The following ADCY2 variants were observed in gnomAD, a reference collection of about 807,000 sequenced individuals.
ADCY2 encodes adenylate cyclase type 2.
A neutral mutation model predicts 125.2 loss-of-function variants in ADCY2; 31 were observed. The observed-to-expected ratio is 0.25, with a 90% confidence interval of 0.19 to 0.33. The LOEUF is 0.33. Ranked by LOEUF, ADCY2 falls within the 10% of genes least tolerant of loss-of-function variation. The pLI, the probability that ADCY2 is intolerant of heterozygous loss-of-function variation, is 1.00. For missense variants in ADCY2, 904 were observed against 1,418.2 expected, an observed-to-expected ratio of 0.64 and a Z score of 5.82; for synonymous variants, 512 against 548.4, an observed-to-expected ratio of 0.93 and a Z score of 0.93.
intron 22 of ADCY2, among the ~76,000 whole-genome samples, chr5:7,814,031 A>T (rs1358314060): frequency 1.3e-5 from 2 of 152,122 alleles, no homozygotes; most frequent in Non-Finnish European, 2.9e-5. Context: ...ACAAAAAAAA[A>T]AAATACTAGT....
At position 7,827,762 on chromosome 5, in the gene ADCY2, T is replaced by G. The variant is rs777668327; in HGVS notation, c.*891T>G. The G allele has an allele frequency of 1.3e-5, 2 of 152,396 alleles. No homozygotes were observed. The highest frequency in any genetic ancestry group is 2.4e-5 in the African/African-American group (1 of 41,462). 9.4% of individuals were successfully genotyped at this position (152,396 alleles called of 1,614,324 possible). On this transcript the variant is annotated 3_prime_UTR_variant, in exon 25 of 25. Transcript: ENST00000338316. The stretch of plus-strand genomic sequence containing the variant: ...AGCATGTTGAATGTATCTAGTGGTC[T>G]GATTTTAATTTGGGCATCTCTAGAG...
At chr5:7,808,649 G>C (rs773363109) in intron 22 of ADCY2, among the ~76,000 whole-genome samples, 3 of 152,170 alleles carry the variant, frequency 2.0e-5, no homozygotes, top group Non-Finnish European at 2.9e-5. Flanking sequence ...TCTGTCCAGA[G>C]CTCCACATGG....
At chr5:7,581,502 A>G (rs1352484757) in intron 3 of ADCY2, among the ~76,000 whole-genome samples, 2 of 115,656 alleles carry the variant, frequency 1.7e-5, no homozygotes, top group Non-Finnish European at 3.9e-5. Flanking sequence ...GTTAAAAAGA[A>G]TAAGTTACAG....
At chr5:7,464,042 A>C (rs771494390) in intron 2 of ADCY2, among the ~76,000 whole-genome samples, 1 of 152,216 alleles carries the variant, frequency 6.6e-6, no homozygotes, top group Non-Finnish European at 1.5e-5. Context: ...GGCATAAATC[A>C]ATAGTTTTTT....
chr5:7,593,717 G>A (rs982007712), intron 3 of ADCY2, among the ~76,000 whole-genome samples: 1 of 152,076 alleles, frequency 6.6e-6, no homozygotes, highest in African/African-American at 2.4e-5. Flanking sequence ...TTTTCAAGAT[G>A]TTGGGGAAAG....
chr5:7,524,387 T>C (rs765017507), intron 3 of ADCY2, among the ~76,000 whole-genome samples: 4 of 152,180 alleles, frequency 2.6e-5, no homozygotes, highest in Non-Finnish European at 4.4e-5. Flanking sequence ...CTACATTAAC[T>C]ACAAGACACC....
intron 2 of ADCY2, among the ~76,000 whole-genome samples, chr5:7,456,689 T>G (rs1741680550): frequency 1.3e-5 from 2 of 152,216 alleles, no homozygotes; most frequent in Admixed American, 1.3e-4. Context: ...CATAAACTGT[T>G]GTATTGGGGG....
chr5:7,570,966 G>A (rs1272433993), intron 3 of ADCY2, among the ~76,000 whole-genome samples: 1 of 152,138 alleles, frequency 6.6e-6, no homozygotes, highest in Non-Finnish European at 1.5e-5. Context: ...TGCATTGATT[G>A]TTGATTCTAT....
Position 7,717,231 on chromosome 5 carries a change from C to A in ADCY2, c.1697C>A (p.Ala566Glu). 6.3e-7 allele frequency: 1 copy of A among 1,598,858 alleles called. No individual in the cohort carries two copies. The highest frequency in any genetic ancestry group is 8.6e-7 in the Non-Finnish European group (1 of 1,168,130). Residue 566 changes from alanine (A) to glutamate (E), a missense_variant, in exon 12 of 25, where the codon GCA becomes GAA. By Grantham distance (107) the Ala-to-Glu change is moderately radical. Transcript: ENST00000338316. ...RMIQAIDGIN[A>E]QKQWLKSEDI... ...ATTCAAGCAATTGATGGGATTAATGCACAGAAGTGAGTACTTCTTTCTCTT... is the reference window on the plus strand; with the variant it reads ...ATTCAAGCAATTGATGGGATTAATGAACAGAAGTGAGTACTTCTTTCTCTT...
chr5:7,661,449 TCC>T (rs1397959828), intron 4 of ADCY2, among the ~76,000 whole-genome samples: 4 of 152,130 alleles, frequency 2.6e-5, no homozygotes, highest in African/African-American at 7.2e-5. Context: ...AGGCAACCCC[TCC>T]CAATAAATAA....
rs553788198 is a variant in ADCY2 at position 7,586,367 on chromosome 5, G to A, written c.571-39800G>A. Among the ~76,000 whole-genome samples, 3 of 152,186 alleles carry A rather than the reference G, an allele frequency of 2.0e-5. No homozygotes were observed. In the South Asian group the frequency reaches 6.2e-4, roughly 32 times the overall value. On this transcript the variant is annotated intron_variant, in intron 3 of 24. Transcript: ENST00000338316. ...ATTTTTTAAAACAGCCACTTTCAAG[G>A]TCCCAACCACATTAACAGGCCTGTC...
At chr5:7,630,213 A>G (rs1310216300) in intron 4 of ADCY2, among the ~76,000 whole-genome samples, 1 of 152,144 alleles carries the variant, frequency 6.6e-6, no homozygotes, top group African/African-American at 2.4e-5. Flanking sequence ...TCCTCTCTGC[A>G]GAATTTAGTG....
chr5:7,701,865 T>C (rs1040538370), intron 7 of ADCY2, among the ~76,000 whole-genome samples: 1 of 152,230 alleles, frequency 6.6e-6, no homozygotes, highest in Non-Finnish European at 1.5e-5. Flanking sequence ...CGTAGGTATA[T>C]ACCACATTTT....
chr5:7,549,244 G>A (rs1302423525), intron 3 of ADCY2, among the ~76,000 whole-genome samples: 2 of 152,134 alleles, frequency 1.3e-5, no homozygotes, highest in Admixed American at 1.3e-4. Context: ...TTTCTGTTGT[G>A]GATAGTGGGC....
chr5:7,595,281 C>T (rs563241886), intron 3 of ADCY2, among the ~76,000 whole-genome samples: 263 of 152,184 alleles, frequency 1.7e-3, no homozygotes, highest in Non-Finnish European at 2.7e-3. Context: ...ATAGCACATT[C>T]CTTATTGGCC....
intron 21 of ADCY2, among the ~76,000 whole-genome samples, chr5:7,803,561 G>C (rs1744666900): frequency 6.6e-6 from 1 of 152,124 alleles, no homozygotes; most frequent in Admixed American, 6.5e-5. Flanking sequence ...GCAGATTAAG[G>C]AGGAGTCAAG....
At position 7,672,567 on chromosome 5, in the gene ADCY2, A is replaced by G. The variant is rs189926355; in HGVS notation, c.721-18124A>G. Among the ~76,000 whole-genome samples, 10 of 152,180 alleles carry G rather than the reference A, an allele frequency of 6.6e-5. 1 individual carries two copies. Among genetic ancestry groups the G allele is most frequent in the African/African-American group, 2.4e-5 (1 of 41,526 alleles). On this transcript the variant is annotated intron_variant, in intron 4 of 24. Coordinates refer to ENST00000338316, the MANE Select transcript of ADCY2 (RefSeq NM_020546.3). ...TAGGCTAGAGGGCAGTGGTGCCATC[A>G]TGGCTTACTACAGCCTCGACCTCCT... is the stretch of plus-strand genomic sequence containing the variant.
At chr5:7,416,163 G>A (rs986455716) in intron 2 of ADCY2, among the ~76,000 whole-genome samples, 2 of 152,170 alleles carry the variant, frequency 1.3e-5, no homozygotes, top group African/African-American at 4.8e-5. Context: ...CTGGCCAGTG[G>A]GTTCTGTTGG....
At chr5:7,748,561 CACAA>C (rs1277919634) in intron 15 of ADCY2, among the ~76,000 whole-genome samples, 8 of 149,264 alleles carry the variant, frequency 5.4e-5, no homozygotes, top group African/African-American at 1.7e-4. Flanking sequence ...CACACACACA[CACAA>C]AATGCTGAAG....
Sources: gnomAD v4.1 joint callset for allele counts (sites outside exome capture counted in the v4.1 genomes callset) on GRCh38, gnomAD v4.1.1 for gene constraint, MANE v1.5 for transcripts, NCBI Gene and HGNC (gene_info 2026-07-23, HGNC 2026-07-21) for gene names.